The following ARHGAP12 variants were observed in gnomAD, a reference collection of about 807,000 sequenced individuals.
ARHGAP12 encodes Rho GTPase activating protein 12, also known as rho GTPase-activating protein 12.
A neutral mutation model predicts 108.6 loss-of-function variants in ARHGAP12; 64 were observed. The observed-to-expected ratio is 0.59, with a 90% CI of 0.48 to 0.73. The LOEUF (loss-of-function observed/expected upper bound fraction) is 0.73. Among genes scored for constraint, ARHGAP12 ranks in the 30% least tolerant of loss-of-function variants. The pLI is 0.00. For missense variants in ARHGAP12, 940 were observed against 1,005.9 expected (o/e 0.93, Z 0.89); for synonymous variants, 312 against 337.2 (o/e 0.93, Z 0.82).
At chr10:31,842,377 A>G (rs1836301744) in intron 7 of ARHGAP12, among the ~76,000 whole-genome samples, 1 of 152,056 alleles carries the variant, frequency 6.6e-6, no homozygotes, top group African/African-American at 2.4e-5. Flanking sequence ...ATTTTCAAGC[A>G]TATCTTCAAT....
intron 3 of ARHGAP12, among the ~76,000 whole-genome samples, chr10:31,864,937 C>T (rs1837266696): frequency 1.3e-5 from 2 of 152,034 alleles, no homozygotes; most frequent in African/African-American, 2.4e-5. Flanking sequence ...GGAAGAGACC[C>T]GGAAACAAGT....
intron 1 of ARHGAP12, among the ~76,000 whole-genome samples, chr10:31,927,296 A>G (rs1374021460): frequency 6.6e-6 from 1 of 152,192 alleles, no homozygotes; most frequent in Non-Finnish European, 1.5e-5. Context: ...ATTCTGTAAA[A>G]CACCCTCCTA....
chr10:31,882,996 A>T (rs530650129), intron 3 of ARHGAP12, among the ~76,000 whole-genome samples: 5 of 151,348 alleles, frequency 3.3e-5, no homozygotes, highest in Admixed American at 1.3e-4. Context: ...TCTCTGCATT[A>T]AGAAATATCT....
chr10:31,818,909 C>T (rs1380909441), intron 12 of ARHGAP12, among the ~76,000 whole-genome samples: 5 of 152,160 alleles, frequency 3.3e-5, no homozygotes, highest in Admixed American at 2.6e-4. Flanking sequence ...AACTACAAGG[C>T]TAATTCAGGA....
chr10:31,867,686 T>A (rs1226761605), intron 3 of ARHGAP12, among the ~76,000 whole-genome samples: 2 of 152,164 alleles, frequency 1.3e-5, no homozygotes, highest in East Asian at 3.8e-4. Flanking sequence ...TTCAAGAGTT[T>A]TAAAAAAATA....
chr10:31,865,979 G>A (rs1480418335), intron 3 of ARHGAP12, among the ~76,000 whole-genome samples: 1 of 152,054 alleles, frequency 6.6e-6, no homozygotes, highest in African/African-American at 2.4e-5. Context: ...GATGAAATGA[G>A]AACCCTGGAA....
rs1292726763 is a variant in ARHGAP12 at position 31,839,725 on chromosome 10, G to C, written c.1297-14C>G. On this transcript the variant is annotated splice_polypyrimidine_tract_variant and intron_variant, in intron 7 of 19. Transcript: ENST00000344936. ...AGTTGGAGATTCCTACAAGAAATAAGTAATGAAAAAAGTTACTCTATTTTA... is the reference window on the plus strand; with the variant it reads ...AGTTGGAGATTCCTACAAGAAATAACTAATGAAAAAAGTTACTCTATTTTA... 6.3e-7 allele frequency: 1 copy of C among 1,587,296 alleles called. No individual in the cohort carries two copies. The highest frequency in any genetic ancestry group is 1.9e-4 in the Middle Eastern group (1 of 5,376).
At chr10:31,852,698 T>C (rs1836733635) in intron 5 of ARHGAP12, 101 bp from the exon 6 acceptor site, 1 of 739,228 alleles carries the variant, frequency 1.4e-6, no homozygotes, top group Non-Finnish European at 2.3e-6. Context: ...AATTTTATTC[T>C]ACTTGATCAA....
rs1160248325 is a variant in ARHGAP12, at chr10:31,854,129, AC to A, written c.1025del (p.Gly342ValfsTer60). On this transcript the variant is annotated frameshift_variant, in exon 5 of 20. Transcript: ENST00000344936. LOFTEE classifies it high-confidence loss of function. Reference sequence around the variant, plus strand: ...CACGTTCATCCAACTCTTCTGACCAACCCCTTGGAGGAGAACCACACTGACT... The same window carrying A: ...CACGTTCATCCAACTCTTCTGACCAACCCTTGGAGGAGAACCACACTGACT... ...SDSQCGSPPRGWSEELDERGH... is the reference protein window; with the variant it reads ...SDSQCGSPPRXWSEELDERGH... The A allele has an allele frequency of 6.2e-7, 1 of 1,613,828 alleles. No homozygotes were observed. The highest frequency in any genetic ancestry group is 8.5e-7 in the Non-Finnish European group (1 of 1,179,928).
At chr10:31,903,268 G>A (rs1356081042) in intron 3 of ARHGAP12, among the ~76,000 whole-genome samples, 1 of 152,106 alleles carries the variant, frequency 6.6e-6, no homozygotes, top group Non-Finnish European at 1.5e-5. Flanking sequence ...ACTGAATACT[G>A]TAGGCAACTG....
chr10:31,895,560 T>C lies in ARHGAP12; in HGVS notation c.684+12612A>G, dbSNP rs143321711. The stretch of plus-strand genomic sequence containing the variant: ...TAATGCGATACCATCTCACACCAGT[T>C]AGAATGGCGATCATTAAAAAGTCAG... On this transcript the variant is annotated intron_variant, in intron 3 of 19. Transcript: ENST00000344936. Among the ~76,000 whole-genome samples the C allele has an allele frequency of 4.0e-3, 607 of 152,292 alleles. 2 individuals carry two copies. Among genetic ancestry groups the C allele is most frequent in the African/African-American group, 0.014 (590 of 41,552 alleles).
Position 31,812,765 on chromosome 10 carries a change from C to CT in ARHGAP12, c.1892dup (p.Lys632GlufsTer14). 2 of 1,609,050 alleles carry CT rather than the reference C, an allele frequency of 1.2e-6. No homozygotes were observed. The highest frequency in any genetic ancestry group is 1.3e-5 in the African/African-American group (1 of 74,822). On this transcript the variant is annotated frameshift_variant, in exon 15 of 20. Transcript: ENST00000344936. LOFTEE classifies it high-confidence loss of function. ...AAGTGGGGCGTCGTGTAAGAAACTTCTTTAAGTTTTTCTTGGTTTTTTTCT... is the reference window on the plus strand; with the variant it reads ...AAGTGGGGCGTCGTGTAAGAAACTTCTTTTAAGTTTTTCTTGGTTTTTTTCT...
intron 1 of ARHGAP12, among the ~76,000 whole-genome samples, chr10:31,917,301 G>A (rs547288298): frequency 2.0e-5 from 3 of 152,082 alleles, no homozygotes; most frequent in Non-Finnish European, 4.4e-5. Context: ...CCAGCTACTC[G>A]GGAGACTGAG....
At chr10:31,838,959 T>C (rs1222680513) in intron 9 of ARHGAP12, among the ~76,000 whole-genome samples, 2 of 151,616 alleles carry the variant, frequency 1.3e-5, no homozygotes, top group Non-Finnish European at 2.9e-5. Flanking sequence ...GAGGCTGCAG[T>C]GAGCTATGAT....
chr10:31,924,612 AC>A (rs1228769169), intron 1 of ARHGAP12, among the ~76,000 whole-genome samples: 1 of 152,160 alleles, frequency 6.6e-6, no homozygotes, highest in Admixed American at 6.5e-5. Flanking sequence ...TATGTACATT[AC>A]ACTTTAATAA....
At chr10:31,922,095 G>A (rs936167119) in intron 1 of ARHGAP12, among the ~76,000 whole-genome samples, 16 of 146,998 alleles carry the variant, frequency 1.1e-4, no homozygotes, top group African/African-American at 3.7e-4. Flanking sequence ...AGGAGGCTGA[G>A]GCTTGTGTCC....
At chr10:31,844,027 C>A (rs531521480) in intron 6 of ARHGAP12, among the ~76,000 whole-genome samples, 8 of 152,148 alleles carry the variant, frequency 5.3e-5, no homozygotes, top group South Asian at 2.1e-4. Context: ...CTACTAAAAT[C>A]AAAAATAAGC....
intron 3 of ARHGAP12, among the ~76,000 whole-genome samples, chr10:31,894,989 G>C (rs1408946632): frequency 6.6e-6 from 1 of 152,148 alleles, no homozygotes; most frequent in Admixed American, 6.5e-5. Context: ...ACAAAAACAA[G>C]AAAAGGGGAA....
intron 1 of ARHGAP12, among the ~76,000 whole-genome samples, chr10:31,914,069 T>C (rs531887541): frequency 2.0e-5 from 3 of 152,330 alleles, no homozygotes; most frequent in Admixed American, 6.5e-5. Flanking sequence ...ATAATTGTTC[T>C]GTTAACTAAA....
Sources: gnomAD v4.1 joint callset for allele counts (sites outside exome capture counted in the v4.1 genomes callset) on GRCh38, gnomAD v4.1.1 for gene constraint, MANE v1.5 for transcripts, NCBI Gene and HGNC (gene_info 2026-07-23, HGNC 2026-07-21) for gene names.